Variants in ELAVL4 observed in about 807,000 individuals in gnomAD.
ELAVL4 encodes ELAV-like protein 4.
ELAVL4 carries 1 observed loss-of-function variant against 35.6 expected under a neutral mutation model. The ratio of observed to expected loss-of-function variants is 0.03; its 90% CI spans 0.01 to 0.13. The LOEUF is 0.13. Among genes scored for constraint, ELAVL4 ranks in the 10% least tolerant of loss-of-function variants. ELAVL4 has a pLI of 1.00. For synonymous variants in ELAVL4, 156 were observed against 171.0 expected, an observed-to-expected ratio of 0.91 and a Z score of 0.69; for missense variants, 267 against 464.9, an observed-to-expected ratio of 0.57 and a Z score of 3.91.
chr1:50,099,560 C>CAAAAAAAAAAAAAAAAAA (rs750905424), upstream of ELAVL4, among the ~76,000 whole-genome samples: 5 of 56,256 alleles, frequency 8.9e-5, no homozygotes, highest in Non-Finnish European at 1.6e-4. Flanking sequence ...AACTCCGCCT[C>CAAAAAAAAAAAAAAAAAA]AAAAAAAAAA....
intron 2 of ELAVL4, among the ~76,000 whole-genome samples, chr1:50,145,559 A>G (rs763279899): frequency 8.6e-5 from 13 of 151,830 alleles, no homozygotes; most frequent in Non-Finnish European, 1.8e-4. Context: ...TCCTCTCAAT[A>G]TTTGCTTCAT....
intron 2 of ELAVL4, among the ~76,000 whole-genome samples, chr1:50,169,668 C>G (rs1678628340): frequency 1.3e-5 from 2 of 152,080 alleles, no homozygotes; most frequent in Non-Finnish European, 1.5e-5. Context: ...AAATGTAGTA[C>G]TTAGATTCAG....
intron 2 of ELAVL4, among the ~76,000 whole-genome samples, chr1:50,167,179 G>C (rs1422695274): frequency 6.6e-6 from 1 of 152,178 alleles, no homozygotes; most frequent in African/African-American, 2.4e-5. Flanking sequence ...TTGTCACCTA[G>C]TTGGTTTTGT....
At chr1:50,182,540 T>C (rs901537602) in intron 3 of ELAVL4, among the ~76,000 whole-genome samples, 2 of 152,106 alleles carry the variant, frequency 1.3e-5, no homozygotes, top group South Asian at 2.1e-4. Flanking sequence ...CTGTTTGATA[T>C]TGGGGTTGGG....
intron 2 of ELAVL4, among the ~76,000 whole-genome samples, chr1:50,154,997 C>A (rs944068175): frequency 6.6e-6 from 1 of 151,780 alleles, no homozygotes; most frequent in Non-Finnish European, 1.5e-5. Context: ...ATGACTCAAA[C>A]GGACCACCTA....
Position 50,109,015 on chromosome 1 carries a change from T to TCGG in ELAVL4, c.-174_-173insGGC. On this transcript the variant is annotated 5_prime_UTR_variant, in exon 1 of 7. Transcript: ENST00000371824. ...GCTCCTTTTCTTTTTTTTCTTTCTC[T>TCGG]CCCCCGCCCACCCCCCCAAAAATAA... The TCGG allele has an allele frequency of 3.1e-6, 3 of 961,024 alleles. No individual in the cohort carries two copies. The highest frequency in any genetic ancestry group is 3.7e-6 in the Non-Finnish European group (3 of 816,910). The allele number at this position is 961,024 out of a possible 1,614,324, so 59.5% of individuals were successfully genotyped here.
intron 1 of ELAVL4, among the ~76,000 whole-genome samples, chr1:50,133,580 GAGAA>G (rs758205798): frequency 0.024 from 2,137 of 89,290 alleles, 28 homozygotes; most frequent in Non-Finnish European, 0.04. Context: ...GAAAGAGAGA[GAGAA>G]AGAAAGAAAG....
intron 1 of ELAVL4, chr1:50,110,081 C>A: frequency 7.4e-7 from 1 of 1,347,746 alleles, no homozygotes. Context: ...AATCACTGTG[C>A]TGATCGTTTG....
intron 2 of ELAVL4, among the ~76,000 whole-genome samples, chr1:50,165,456 A>G (rs983308315): frequency 2.0e-5 from 3 of 150,674 alleles, no homozygotes; most frequent in Non-Finnish European, 4.4e-5. Context: ...ATAGATATAG[A>G]TACACACACA....
At chr1:50,150,061 T>C (rs1286406415) in intron 2 of ELAVL4, among the ~76,000 whole-genome samples, 1 of 151,966 alleles carries the variant, frequency 6.6e-6, no homozygotes, top group Non-Finnish European at 1.5e-5. Flanking sequence ...GGAATAGAGC[T>C]AAAATTTTAG....
At chr1:50,167,633 T>G (rs1202953186) in intron 2 of ELAVL4, among the ~76,000 whole-genome samples, 1 of 152,076 alleles carries the variant, frequency 6.6e-6, no homozygotes, top group Non-Finnish European at 1.5e-5. Flanking sequence ...CCTTGGTGAG[T>G]GGAAGTCCAT....
At chr1:50,157,699 G>T (rs757204875) in intron 2 of ELAVL4, among the ~76,000 whole-genome samples, 3 of 152,212 alleles carry the variant, frequency 2.0e-5, no homozygotes, top group Admixed American at 1.3e-4. Context: ...CAGGCTGTTT[G>T]TGAAAATAGC....
chr1:50,091,390 G>A (rs1054244874), intron 1 of ELAVL4, among the ~76,000 whole-genome samples: 2 of 152,122 alleles, frequency 1.3e-5, no homozygotes, highest in African/African-American at 4.8e-5. Context: ...TATTTAGAAA[G>A]TTCTCTCCTC....
At chr1:50,167,962 T>C (rs1344634252) in intron 2 of ELAVL4, among the ~76,000 whole-genome samples, 1 of 152,188 alleles carries the variant, frequency 6.6e-6, no homozygotes, top group African/African-American at 2.4e-5. Flanking sequence ...TGAATCACTA[T>C]ATAATTGAAC....
intron 1 of ELAVL4, among the ~76,000 whole-genome samples, chr1:50,123,248 T>C (rs563456947): frequency 1.3e-5 from 2 of 152,216 alleles, no homozygotes; most frequent in East Asian, 3.9e-4. Flanking sequence ...AATGTTACCT[T>C]ATACAGTAGT....
intron 1 of ELAVL4, among the ~76,000 whole-genome samples, chr1:50,096,151 A>G (rs991096017): frequency 1.3e-5 from 2 of 152,052 alleles, no homozygotes; most frequent in East Asian, 1.9e-4. Flanking sequence ...TTGAGCACCA[A>G]CTATGACAGC....
At chr1:50,087,278 G>A (rs1436202989) in intron 1 of ELAVL4, among the ~76,000 whole-genome samples, 1 of 152,094 alleles carries the variant, frequency 6.6e-6, no homozygotes, top group Admixed American at 6.5e-5. Context: ...GAAGCAGAGA[G>A]GTACAGAAAG....
chr1:50,106,505 G>GA (rs891572455), upstream of ELAVL4: 4,452 of 652,800 alleles, frequency 6.8e-3, no homozygotes, highest in South Asian at 0.011. Context: ...GATTGTGGCA[G>GA]AAAAAAAAAA....
At chr1:50,102,582 A>T (rs1450513134), upstream of ELAVL4, among the ~76,000 whole-genome samples, 1 of 152,036 alleles carries the variant, frequency 6.6e-6, no homozygotes, top group Non-Finnish European at 1.5e-5. Flanking sequence ...ATATCAAGTC[A>T]TTTTCAAAAA....
Sources: allele counts gnomAD v4.1 joint callset (sites outside exome capture counted in the v4.1 genomes callset), GRCh38; gene constraint gnomAD v4.1.1; transcripts MANE v1.5; gene names NCBI Gene and HGNC (gene_info 2026-07-23, HGNC 2026-07-21).